The following GART variants were observed in gnomAD, a reference collection of about 807,000 sequenced individuals.
GART encodes the protein phosphoribosylglycinamide formyltransferase, phosphoribosylglycinamide synthetase, phosphoribosylaminoimidazole synthetase.
GART carries 43 observed loss-of-function variants against 107.2 expected under a neutral mutation model. The ratio of observed to expected loss-of-function variants is 0.40; its 90% CI spans 0.31 to 0.52. GART has a LOEUF of 0.52. Among genes scored for constraint, GART ranks in the 20% least tolerant of loss-of-function variants. GART has a pLI of 0.52. For missense variants in GART, 1,107 were observed against 1,206.5 expected, an observed-to-expected ratio of 0.92 and a Z score of 1.22; for synonymous variants, 434 against 427.0, an observed-to-expected ratio of 1.02 and a Z score of -0.20.
Position 33,526,426 on chromosome 21 carries a change from G to A in GART, c.1067-1426C>T, listed in dbSNP as rs145123811. Among the ~76,000 whole-genome samples, 769 of 152,176 alleles carry A rather than the reference G, an allele frequency of 5.1e-3. 7 individuals carry two copies. The highest frequency in any genetic ancestry group is 0.018 in the African/African-American group (734 of 41,480). Reference sequence around the variant, plus strand: ...TGACCTCAAGTGATCTGCCCGCTTCGGCCTCCCCAAGTGTTAGGATTACAG... The same window carrying A: ...TGACCTCAAGTGATCTGCCCGCTTCAGCCTCCCCAAGTGTTAGGATTACAG... On this transcript the variant is annotated intron_variant, in intron 10 of 21. Transcript: ENST00000381815.
In GART at chr21:33,505,973, C is replaced by A. The variant is rs925163412; in HGVS notation, c.2583+1G>T. 2.9e-5 allele frequency: 47 copies of A among 1,613,848 alleles called. No individual in the cohort carries two copies. The highest frequency in any genetic ancestry group is 3.6e-5 in the Non-Finnish European group (42 of 1,179,978). ...CAAAGATATTTTCCCAAGTAACTTA[C>A]TCTAGTGGGAATACCAGCTCTTTCC... On this transcript the variant is annotated splice_donor_variant, in intron 19 of 21. Coordinates refer to ENST00000381815, the MANE Select transcript of GART (RefSeq NM_000819.5). LOFTEE classifies it high-confidence loss of function.
rs1372609756 is a variant in GART at position 33,528,225 on chromosome 21, A to C, written c.1008T>G (p.Thr336=). The C allele has an allele frequency of 6.2e-7, 1 of 1,613,932 alleles. No individual in the cohort carries two copies. The highest frequency in any genetic ancestry group is 8.5e-7 in the Non-Finnish European group (1 of 1,179,974). The change falls in exon 10 of 22, where the codon ACT becomes ACG. Residue 336 remains threonine, a synonymous_variant. Transcript: ENST00000381815. ...PVWLENHTAL[T]VVMASKGYPG... is the part of the protein sequence containing the mutation. Reference sequence around the variant, plus strand: ...GATAACCTTTACTTGCCATGACAACAGTTAGGGCGGTGTGGTTTTCTAGCC... The same window carrying C: ...GATAACCTTTACTTGCCATGACAACCGTTAGGGCGGTGTGGTTTTCTAGCC...
chr21:33,516,907 A>C (rs529204587), intron 16 of GART, 82 bp downstream of exon 16: 2 of 1,241,880 alleles, frequency 1.6e-6, no homozygotes, highest in East Asian at 2.3e-5. Flanking sequence ...TCATGTGTAC[A>C]TTAACTACCC....
chr21:33,522,561 C>T (rs908290080), intron 11 of GART, among the ~76,000 whole-genome samples: 5 of 152,212 alleles, frequency 3.3e-5, no homozygotes, highest in African/African-American at 1.2e-4. Flanking sequence ...ATTTCTTCTA[C>T]AAGTACTTCT....
intron 13 of GART, 140 bp downstream of exon 13, chr21:33,520,766 G>A (rs977841712): frequency 1.4e-5 from 10 of 725,064 alleles, no homozygotes; most frequent in Admixed American, 2.9e-5. Flanking sequence ...TTAGAAATGT[G>A]CAGATATTTT....
chr21:33,533,438 CAAAAA>C lies in GART; in HGVS notation c.417-987_417-983del, dbSNP rs5843612. 1.8e-3 allele frequency among the ~76,000 whole-genome samples: 229 copies of C among 128,710 alleles called. 2 individuals carry two copies. The highest frequency in any genetic ancestry group is 6.4e-3 in the African/African-American group (220 of 34,584). The allele number at this position is 128,710 out of a possible 152,430, so 84.4% of individuals were successfully genotyped here. A position where few individuals can be genotyped will look rare whatever the true frequency, so the allele number is the denominator to read the frequency against. ...CCGGCCTGGGTGAAAGAACGAGACT[CAAAAA>C]AAAAAAAATAAATAAATAAATAAAA... is the stretch of plus-strand genomic sequence containing the variant. On this transcript the variant is annotated intron_variant, in intron 4 of 21. Transcript: ENST00000381815.
Position 33,524,394 on chromosome 21 carries a change from CA to C in GART, c.1298+374del, listed in dbSNP as rs1192795347. On this transcript the variant is annotated intron_variant, in intron 11 of 21. Transcript: ENST00000381815. Reference sequence around the variant, plus strand: ...TGAAACCCCATCTCCACAAAAAATACAAAAAAATTAGCCAGGTGTGGTGGCC... The same window carrying C: ...TGAAACCCCATCTCCACAAAAAATACAAAAAATTAGCCAGGTGTGGTGGCC... The C allele has an allele frequency of 1.4e-5, 9 of 658,324 alleles. No individual in the cohort carries two copies. The African/African-American group carries it at 1.4e-4, about 10-fold the overall frequency. 40.8% of individuals were successfully genotyped at this position (658,324 alleles called of 1,614,324 possible).
intron 11 of GART, 54 bp from the exon 12 acceptor site, chr21:33,522,336 C>T (rs2084988688): frequency 7.9e-7 from 1 of 1,268,900 alleles, no homozygotes; most frequent in Admixed American, 1.8e-5. Context: ...TTATTTTAAT[C>T]TTAAAATATT....
At chr21:33,530,988 GTTTGT>G in intron 6 of GART, 104 bp from the exon 7 acceptor site, 3 of 1,004,636 alleles carry the variant, frequency 3.0e-6, no homozygotes, top group Non-Finnish European at 4.0e-6. Context: ...TTGAGGAAAA[GTTTGT>G]TTTTTTTTTT....
chr21:33,535,604 C>T (rs773932934), intron 2 of GART, among the ~76,000 whole-genome samples: 16 of 152,150 alleles, frequency 1.1e-4, no homozygotes, highest in Non-Finnish European at 1.8e-4. Flanking sequence ...ATATTGTTCA[C>T]GTCACTAATA....
At chr21:33,515,068 T>G (rs2084850909) in intron 16 of GART, among the ~76,000 whole-genome samples, 1 of 152,204 alleles carries the variant, frequency 6.6e-6, no homozygotes, top group Middle Eastern at 3.2e-3. Flanking sequence ...TTTCTGTTCT[T>G]GCTTCAAAGC....
Position 33,511,124 on chromosome 21 carries a change from T to C in GART, c.2314+128A>G, listed in dbSNP as rs1010474283. Reference sequence around the variant, plus strand: ...GGTGGGTGCTGTCATGTTACATCTGTGTAAAGATAGTTGCCATAGCGATGG... The same window carrying C: ...GGTGGGTGCTGTCATGTTACATCTGCGTAAAGATAGTTGCCATAGCGATGG... On this transcript the variant is annotated intron_variant, in intron 17 of 21. Transcript: ENST00000381815. 6 of 892,872 alleles carry C rather than the reference T, an allele frequency of 6.7e-6. No individual in the cohort carries two copies. In the African/African-American group the frequency reaches 9.8e-5, roughly 15 times the overall value. The allele number at this position is 892,872 out of a possible 1,614,324, so 55.3% of individuals were successfully genotyped here. A position where few individuals can be genotyped will look rare whatever the true frequency, so the allele number is the denominator to read the frequency against.
At chr21:33,510,124 T>G (rs766627619) in intron 17 of GART, 66 of 532,180 alleles carry the variant, frequency 1.2e-4, no homozygotes, top group Non-Finnish European at 1.9e-4. Context: ...ATGTAATTAC[T>G]TCAACTAAAA....
In GART at chr21:33,505,683, T is replaced by C. The variant is rs768740332; in HGVS notation, c.2603A>G (p.Tyr868Cys). The C allele has an allele frequency of 1.9e-6, 3 of 1,606,360 alleles. No individual in the cohort carries two copies. The Admixed American group carries it at 5.2e-5, about 28-fold the overall frequency. ...ACTGTCAAATTCTACACGATTTTTA[T>C]ACAGTTTATGATTAATTACCTGTAA... The part of the protein sequence containing the change: ...IPTRVINHKL[Y>C]KNRVEFDSAI... Residue 868 changes from tyrosine to cysteine, a missense_variant, in exon 20 of 22, where the codon TAT becomes TGT. Physicochemically the swap from Tyr to Cys is radical, Grantham distance 194 (BLOSUM62 -2). Coordinates refer to ENST00000381815, the MANE Select transcript of GART (RefSeq NM_000819.5).
chr21:33,538,601 T>C (rs1361301858), intron 2 of GART, among the ~76,000 whole-genome samples: 1 of 152,218 alleles, frequency 6.6e-6, no homozygotes, highest in Non-Finnish European at 1.5e-5. Flanking sequence ...GCCTTTAATC[T>C]GTATTAGGCA....
rs777656742 is a variant in GART, at chr21:33,506,074, G to A, written c.2483C>T (p.Thr828Ile). Residue 828 changes from threonine to isoleucine, a missense_variant, in exon 19 of 22, where the codon ACT (threonine) becomes ATT (isoleucine). Transcript: ENST00000381815. ...TTGTGCAGAGCTATTTGGTTCCCGA[G>A]TACTGTCTATAAGTGCTTGCAGGTT... ...GSNLQALIDSTREPNSSAQID... is the reference protein window; with the variant it reads ...GSNLQALIDSIREPNSSAQID... 6.2e-7 allele frequency: 1 copy of A among 1,613,966 alleles called. No homozygotes were observed. The highest frequency in any genetic ancestry group is 1.1e-5 in the South Asian group (1 of 91,080).
At chr21:33,507,016 A>T (rs1189566411) in intron 18 of GART, among the ~76,000 whole-genome samples, 1 of 152,014 alleles carries the variant, frequency 6.6e-6, no homozygotes, top group Non-Finnish European at 1.5e-5. Flanking sequence ...CTCAAAAATT[A>T]AAAAAAAGAG....
chr21:33,509,979 T>A, intron 17 of GART, 59 bp from the exon 18 acceptor site: 1 of 1,470,374 alleles, frequency 6.8e-7, no homozygotes, highest in Non-Finnish European at 9.3e-7. Context: ...ACAAGAATAA[T>A]GGAAAGAAAA....
At chr21:33,531,269 A>G in intron 6 of GART, 1 of 520,634 alleles carries the variant, frequency 1.9e-6, no homozygotes, top group Non-Finnish European at 3.4e-6. Context: ...AATAGTGTGT[A>G]AGTCCAAGTG....
Sources: allele counts gnomAD v4.1 joint callset (sites outside exome capture counted in the v4.1 genomes callset), GRCh38; gene constraint gnomAD v4.1.1; transcripts MANE v1.5; gene names NCBI Gene and HGNC (gene_info 2026-07-23, HGNC 2026-07-21).